Variants in DCAF1 observed in about 807,000 individuals in gnomAD.
DCAF1 encodes the protein DDB1- and CUL4-associated factor 1.
DCAF1 carries 15 observed loss-of-function variants against 128.0 expected under a neutral mutation model. That is an observed-to-expected ratio of 0.12 (90% CI 0.08 to 0.18). The LOEUF (loss-of-function observed/expected upper bound fraction) is 0.18, where lower values mean the gene tolerates loss of function less well. Ranked by LOEUF, DCAF1 falls within the 10% of genes least tolerant of loss-of-function variation. DCAF1 has a pLI of 1.00. For missense variants in DCAF1, 988 were observed against 1,649.5 expected (o/e 0.60, Z 6.95); for synonymous variants, 610 against 603.0 (o/e 1.01, Z -0.17).
At chr3:51,439,286 G>A (rs782360155) in intron 9 of DCAF1, among the ~76,000 whole-genome samples, 3 of 151,636 alleles carry the variant, frequency 2.0e-5, no homozygotes, top group Non-Finnish European at 2.9e-5. Flanking sequence ...AAGATACCAC[G>A]CCAGGCTAAT....
intron 7 of DCAF1, 52 bp from the exon 8 acceptor site, chr3:51,441,949 G>T: frequency 6.6e-7 from 1 of 1,519,928 alleles, no homozygotes; most frequent in Non-Finnish European, 8.7e-7. Context: ...TAAGGATTAA[G>T]TAATCCTTAA....
intron 23 of DCAF1, among the ~76,000 whole-genome samples, chr3:51,405,854 T>TA (rs2090064796): frequency 1.3e-5 from 2 of 151,974 alleles, no homozygotes; most frequent in Middle Eastern, 3.2e-3. Flanking sequence ...AAGTAAAAAC[T>TA]AAAAATAATT....
intron 23 of DCAF1, among the ~76,000 whole-genome samples, chr3:51,407,700 G>A (rs1697993076): frequency 6.6e-6 from 1 of 152,018 alleles, no homozygotes; most frequent in African/African-American, 2.4e-5. Flanking sequence ...AAAAACACAG[G>A]CACCAGGTTG....
intron 5 of DCAF1, among the ~76,000 whole-genome samples, chr3:51,465,712 T>A (rs1470673688): frequency 1.3e-5 from 2 of 152,028 alleles, no homozygotes; most frequent in African/African-American, 4.8e-5. Flanking sequence ...ACCACTGCAC[T>A]CCAGCCTGGG....
At chr3:51,498,343 G>A (rs1368499259) in intron 1 of DCAF1, among the ~76,000 whole-genome samples, 1 of 135,224 alleles carries the variant, frequency 7.4e-6, no homozygotes. Context: ...TGGGGCAACA[G>A]AATGAGACGC....
In DCAF1 at chr3:51,398,436, G is replaced by C; in HGVS notation, c.*333C>G. 4.8e-6 allele frequency: 1 copy of C among 207,454 alleles called. No individual in the cohort carries two copies. Among genetic ancestry groups the C allele is most frequent in the East Asian group, 1.1e-4 (1 of 9,256 alleles). 12.9% of individuals were successfully genotyped at this position (207,454 alleles called of 1,614,324 possible). On this transcript the variant is annotated 3_prime_UTR_variant, in exon 25 of 25. Coordinates refer to ENST00000684031, the MANE Select transcript of DCAF1 (RefSeq NM_001387579.1). ...AACTATTTCTTGTTCTTTAAGTAAA[G>C]AACACTATACAAAGAAAATATATTG...
At chr3:51,422,483 AAGAGAGACAGAG>A (rs1553632841) in intron 13 of DCAF1, 52 bp from the exon 14 acceptor site, 2 of 714,880 alleles carry the variant, frequency 2.8e-6, no homozygotes, top group African/African-American at 3.5e-5. Context: ...CACAAGAATC[AAGAGAGACAGAG>A]AGAGAGACAC....
intron 13 of DCAF1, among the ~76,000 whole-genome samples, chr3:51,422,851 C>T (rs1273133664): frequency 6.6e-6 from 1 of 151,900 alleles, no homozygotes; most frequent in Non-Finnish European, 1.5e-5. Context: ...ATCACTTGAA[C>T]CCAGGAGTTT....
At chr3:51,400,501 T>C (rs887263894) in intron 24 of DCAF1, among the ~76,000 whole-genome samples, 1 of 152,298 alleles carries the variant, frequency 6.6e-6, no homozygotes, top group African/African-American at 2.4e-5. Flanking sequence ...GAACTGTAAA[T>C]GCAGCTTAAC....
chr3:51,474,764 G>A (rs1705223583), intron 3 of DCAF1, among the ~76,000 whole-genome samples: 1 of 149,802 alleles, frequency 6.7e-6, no homozygotes, highest in Admixed American at 6.8e-5. Context: ...GGGACTACAG[G>A]TGTCAATCAG....
At chr3:51,430,862 C>T (rs368351292) in intron 10 of DCAF1, among the ~76,000 whole-genome samples, 1 of 152,156 alleles carries the variant, frequency 6.6e-6, no homozygotes, top group African/African-American at 2.4e-5. Context: ...TTACCCATTT[C>T]ACTCTACCAG....
chr3:51,403,675 T>A (rs1373628184), intron 23 of DCAF1, among the ~76,000 whole-genome samples: 1 of 152,234 alleles, frequency 6.6e-6, no homozygotes, highest in Non-Finnish European at 1.5e-5. Flanking sequence ...AGTCTCTGCC[T>A]TCAATATTCT....
At chr3:51,462,208 G>C (rs1181907473) in intron 6 of DCAF1, among the ~76,000 whole-genome samples, 1 of 151,614 alleles carries the variant, frequency 6.6e-6, no homozygotes, top group East Asian at 2.0e-4. Context: ...GGAACACTTG[G>C]GTCAGGAGTT....
rs782805360 is a variant in DCAF1, at chr3:51,416,808, G to C, written c.3582C>G (p.Gly1194=). 6.2e-7 allele frequency: 1 copy of C among 1,611,580 alleles called. No individual in the cohort carries two copies. Among genetic ancestry groups the C allele is most frequent in the Non-Finnish European group, 8.5e-7 (1 of 1,178,820 alleles). ...FSKHSQDRVI[G]TKGDIAHIYD... Reference sequence around the variant, plus strand: ...TTACGTGGGCAATGTCTCCTTTTGTGCCGATGACCCGATCCTGGGAGTGCT... The same window carrying C: ...TTACGTGGGCAATGTCTCCTTTTGTCCCGATGACCCGATCCTGGGAGTGCT... Residue 1194 remains glycine (G), a synonymous_variant, in exon 18 of 25, where the codon GGC becomes GGG. Coordinates refer to ENST00000684031, the MANE Select transcript of DCAF1 (RefSeq NM_001387579.1).
chr3:51,412,983 C>G lies in DCAF1; in HGVS notation c.4110+10G>C, dbSNP rs782533622. 1.2e-6 allele frequency: 2 copies of G among 1,613,458 alleles called. No homozygotes were observed. The highest frequency in any genetic ancestry group is 1.7e-6 in the Non-Finnish European group (2 of 1,179,598). On this transcript the variant is annotated intron_variant, in intron 22 of 24. Coordinates refer to ENST00000684031, the MANE Select transcript of DCAF1 (RefSeq NM_001387579.1). ...AACAAAAGAGCAGGGCCTCTGCAAG[C>G]TCCCTTTACCTCAATGACAGCAAGA...
intron 3 of DCAF1, among the ~76,000 whole-genome samples, chr3:51,473,986 T>G (rs1453969268): frequency 2.0e-5 from 3 of 152,000 alleles, no homozygotes; most frequent in Admixed American, 2.0e-4. Flanking sequence ...GTATTTTTTT[T>G]TTTGGTAGAG....
chr3:51,409,664 C>T (rs1251295971), intron 23 of DCAF1, among the ~76,000 whole-genome samples: 1 of 152,166 alleles, frequency 6.6e-6, no homozygotes, highest in African/African-American at 2.4e-5. Flanking sequence ...TTGTAATGTA[C>T]GCGCAAATGG....
chr3:51,412,212 AT>A (rs1326112273), intron 23 of DCAF1, among the ~76,000 whole-genome samples, 166 bp downstream of exon 23: 2 of 152,068 alleles, frequency 1.3e-5, no homozygotes, highest in African/African-American at 4.8e-5. Context: ...AAATCTTATA[AT>A]AAAATTTCTT....
intron 7 of DCAF1, among the ~76,000 whole-genome samples, chr3:51,442,645 G>A (rs535964698): frequency 6.6e-6 from 1 of 152,132 alleles, no homozygotes; most frequent in South Asian, 2.1e-4. Context: ...GTTGCAGTGA[G>A]CCGAGATCGC....
Sources: gnomAD v4.1 joint callset for allele counts (sites outside exome capture counted in the v4.1 genomes callset) on GRCh38, gnomAD v4.1.1 for gene constraint, MANE v1.5 for transcripts, NCBI Gene and HGNC (gene_info 2026-07-23, HGNC 2026-07-21) for gene names.